The following SETBP1 variants were observed in gnomAD, a reference collection of about 807,000 sequenced individuals.
The protein encoded by SETBP1 is SET binding protein 1, also known as SET-binding protein.
Under a neutral mutation model 101.0 loss-of-function variants are expected in SETBP1, and 9 were observed. The ratio of observed to expected loss-of-function variants is 0.09; its 90% CI spans 0.05 to 0.16. The LOEUF (loss-of-function observed/expected upper bound fraction) is 0.16. Among genes scored for constraint, SETBP1 ranks in the 10% least tolerant of loss-of-function variants. SETBP1 has a pLI of 1.00. For synonymous variants in SETBP1, 818 were observed against 788.5 expected (o/e 1.04, Z -0.63); for missense variants, 1,858 against 2,033.8 (o/e 0.91, Z 1.66).
At chr18:44,897,060 G>A (rs115873085) in intron 3 of SETBP1, among the ~76,000 whole-genome samples, 1 of 152,174 alleles carries the variant, frequency 6.6e-6, no homozygotes, top group African/African-American at 2.4e-5. Context: ...TTCTGGTGGG[G>A]CAGCTGTGCA....
At chr18:45,009,461 G>A (rs2072793997) in intron 4 of SETBP1, among the ~76,000 whole-genome samples, 1 of 151,716 alleles carries the variant, frequency 6.6e-6, no homozygotes. Context: ...CTTTAAGAGG[G>A]TATGGAAGAT....
chr18:44,757,602 A>G (rs1297053790), intron 2 of SETBP1, among the ~76,000 whole-genome samples: 1 of 152,192 alleles, frequency 6.6e-6, no homozygotes, highest in Non-Finnish European at 1.5e-5. Flanking sequence ...CATTTACTCA[A>G]CACTTACTAT....
At chr18:44,916,034 TG>T (rs2070417524) in intron 3 of SETBP1, among the ~76,000 whole-genome samples, 3 of 152,082 alleles carry the variant, frequency 2.0e-5, no homozygotes, top group Non-Finnish European at 4.4e-5. Flanking sequence ...GAGACCAGCC[TG>T]GGCAACATGG....
At chr18:44,723,631 A>G (rs2069648325) in intron 2 of SETBP1, among the ~76,000 whole-genome samples, 1 of 152,152 alleles carries the variant, frequency 6.6e-6, no homozygotes, top group Non-Finnish European at 1.5e-5. Context: ...TGCTTGGCCC[A>G]TCTTATTACA....
chr18:44,864,739 C>G (rs994398356), intron 2 of SETBP1, among the ~76,000 whole-genome samples: 12 of 152,044 alleles, frequency 7.9e-5, no homozygotes, highest in African/African-American at 2.9e-4. Flanking sequence ...GGACATTTAG[C>G]CATCCTGGGA....
chr18:45,040,161 G>A (rs951896345), intron 5 of SETBP1, among the ~76,000 whole-genome samples: 2 of 152,120 alleles, frequency 1.3e-5, no homozygotes, highest in African/African-American at 4.8e-5. Flanking sequence ...TGAAGGAATG[G>A]GGTCATCTCT....
chr18:44,747,842 T>G (rs1253956337), intron 2 of SETBP1, among the ~76,000 whole-genome samples: 1 of 152,238 alleles, frequency 6.6e-6, no homozygotes, highest in African/African-American at 2.4e-5. Context: ...GTGGTTGAGT[T>G]TATGTTGTTT....
At chr18:44,693,039 G>A (rs887516781) in intron 1 of SETBP1, among the ~76,000 whole-genome samples, 66 of 152,312 alleles carry the variant, frequency 4.3e-4, no homozygotes, top group African/African-American at 1.5e-3. Context: ...TATCTTCAGG[G>A]TCAGAGAACC....
At chr18:44,864,843 G>A (rs1430978348) in intron 2 of SETBP1, among the ~76,000 whole-genome samples, 2 of 151,900 alleles carry the variant, frequency 1.3e-5, no homozygotes, top group Non-Finnish European at 2.9e-5. Flanking sequence ...CCCTGTCTTG[G>A]ATCCCCCTCA....
chr18:44,812,839 A>G (rs1467683184), intron 2 of SETBP1, among the ~76,000 whole-genome samples: 1 of 152,240 alleles, frequency 6.6e-6, no homozygotes, highest in East Asian at 1.9e-4. Context: ...AAAATGTGAG[A>G]AAATGCTACA....
intron 4 of SETBP1, among the ~76,000 whole-genome samples, chr18:45,017,301 T>A (rs1000308036): frequency 6.6e-6 from 1 of 152,038 alleles, no homozygotes; most frequent in Non-Finnish European, 1.5e-5. Flanking sequence ...GGCACACAAC[T>A]CCAGACCCCA....
intron 2 of SETBP1, among the ~76,000 whole-genome samples, chr18:44,850,369 C>CT (rs112802081): frequency 7.3e-4 from 92 of 126,138 alleles, no homozygotes; most frequent in African/African-American, 2.4e-3. Flanking sequence ...CTTTTCTTTC[C>CT]TTTTTTTTTC....
Position 45,063,856 on chromosome 18 carries a change from T to C in SETBP1, c.*158T>C, listed in dbSNP as rs2073933235. 1.3e-6 allele frequency: 1 copy of C among 748,570 alleles called. No individual in the cohort carries two copies. Among genetic ancestry groups the C allele is most frequent in the Non-Finnish European group, 2.1e-6 (1 of 470,934 alleles). The allele number at this position is 748,570 out of a possible 1,614,324, so 46.4% of individuals were successfully genotyped here. On this transcript the variant is annotated 3_prime_UTR_variant, in exon 6 of 6. Transcript: ENST00000649279. ...CCGGCCAGACGACGGGGCTGAGCCA[T>C]CAGGAGCTCTTGGGAAAGCAAAGCA...
chr18:44,732,964 CAG>C (rs1359037808), intron 2 of SETBP1: 1 of 151,978 alleles, frequency 6.6e-6, no homozygotes, highest in Non-Finnish European at 1.5e-5. Flanking sequence ...AAACCAGAGT[CAG>C]AGAATAAATT....
intron 1 of SETBP1, 130 bp downstream of exon 1, chr18:44,681,151 G>A (rs1393002116): frequency 2.0e-5 from 3 of 152,222 alleles, no homozygotes; most frequent in Non-Finnish European, 4.4e-5. Context: ...CTTAAAAGCA[G>A]ACGAATGCCT....
At chr18:44,927,151 A>G (rs1408643947) in intron 3 of SETBP1, among the ~76,000 whole-genome samples, 1 of 152,130 alleles carries the variant, frequency 6.6e-6, no homozygotes, top group Non-Finnish European at 1.5e-5. Context: ...GTCCTTCACA[A>G]CTAAGATTTC....
intron 2 of SETBP1, among the ~76,000 whole-genome samples, chr18:44,843,429 A>G (rs577289775): frequency 6.6e-6 from 1 of 152,300 alleles, no homozygotes; most frequent in South Asian, 2.1e-4. Context: ...CAGATGACCC[A>G]CTGCCCTCAC....
At chr18:44,916,687 A>G (rs1599317771) in intron 3 of SETBP1, among the ~76,000 whole-genome samples, 3 of 152,222 alleles carry the variant, frequency 2.0e-5, no homozygotes. Flanking sequence ...AGCAGTCAGC[A>G]TAATGAGATT....
chr18:44,922,154 T>C (rs1485763704), intron 3 of SETBP1, among the ~76,000 whole-genome samples: 1 of 152,202 alleles, frequency 6.6e-6, no homozygotes, highest in African/African-American at 2.4e-5. Context: ...CAAGTGCTTA[T>C]AGATTAGGAT....
Sources: allele counts gnomAD v4.1 joint callset (sites outside exome capture counted in the v4.1 genomes callset), GRCh38; gene constraint gnomAD v4.1.1; transcripts MANE v1.5; gene names NCBI Gene and HGNC (gene_info 2026-07-23, HGNC 2026-07-21).